CD96: variants seen among roughly 807,000 people sequenced by gnomAD.
CD96 encodes the protein T-cell surface protein tactile.
A neutral mutation model predicts 71.3 loss-of-function variants in CD96; 70 were observed. The observed-to-expected ratio is 0.98, with a 90% confidence interval of 0.81 to 1.20. CD96 has a LOEUF of 1.20. Ranked by LOEUF, CD96 falls within the 50% of genes most tolerant of loss-of-function variation. The pLI, the probability that CD96 is intolerant of heterozygous loss-of-function variation, is 0.00. For synonymous variants in CD96, 248 were observed against 233.0 expected, an observed-to-expected ratio of 1.06 and a Z score of -0.59; for missense variants, 742 against 677.5, an observed-to-expected ratio of 1.10 and a Z score of -1.06.
At position 111,650,098 on chromosome 3, in the gene CD96, T is replaced by C; in HGVS notation, c.*292T>C. On this transcript the variant is annotated 3_prime_UTR_variant, in exon 14 of 14. Transcript: ENST00000352690. ...CTGCCATCTTTAAAAAAAAATACAG[T>C]ATTTTCATTTAAATTCTCTGATGGA... 5.2e-6 allele frequency: 2 copies of C among 388,216 alleles called. No individual in the cohort carries two copies. The allele number at this position is 388,216 out of a possible 1,614,324, so 24.0% of individuals were successfully genotyped here.
intron 8 of CD96, among the ~76,000 whole-genome samples, chr3:111,617,293 T>C (rs1938290326): frequency 6.6e-6 from 1 of 152,204 alleles, no homozygotes; most frequent in Non-Finnish European, 1.5e-5. Context: ...AGGCATGGCC[T>C]GAAGCCTGGG....
At chr3:111,567,018 A>T (rs1023905431) in intron 2 of CD96, among the ~76,000 whole-genome samples, 1 of 152,162 alleles carries the variant, frequency 6.6e-6, no homozygotes, top group African/African-American at 2.4e-5. Context: ...CGTTAATTGT[A>T]ACAAATGTAC....
intron 2 of CD96, among the ~76,000 whole-genome samples, chr3:111,562,393 T>C (rs964564821): frequency 1.3e-5 from 2 of 152,130 alleles, no homozygotes; most frequent in African/African-American, 4.8e-5. Context: ...ATATATATAT[T>C]TATAGACAGA....
At chr3:111,566,646 G>T (rs76333478) in intron 2 of CD96, among the ~76,000 whole-genome samples, 10 of 152,206 alleles carry the variant, frequency 6.6e-5, no homozygotes, top group African/African-American at 1.9e-4. Context: ...TGATGCTATA[G>T]TTTAGTCACA....
chr3:111,587,203 G>A (rs1434462079), intron 5 of CD96, among the ~76,000 whole-genome samples: 1 of 152,210 alleles, frequency 6.6e-6, no homozygotes. Flanking sequence ...GCAAGAGGTG[G>A]GTTCCCATAG....
chr3:111,660,305 C>G (rs993609405), intron 14 of CD96, among the ~76,000 whole-genome samples: 6 of 152,082 alleles, frequency 3.9e-5, no homozygotes, highest in African/African-American at 1.4e-4. Flanking sequence ...ATACTGCTAA[C>G]CAAGGAAGTG....
chr3:111,572,410 C>T (rs1028324961), intron 3 of CD96, among the ~76,000 whole-genome samples: 4 of 152,194 alleles, frequency 2.6e-5, no homozygotes, highest in Non-Finnish European at 4.4e-5. Flanking sequence ...ACTGGCAACA[C>T]TTATATTAGG....
At chr3:111,593,522 A>C (rs1218192108) in intron 5 of CD96, 2 of 1,509,534 alleles carry the variant, frequency 1.3e-6, no homozygotes, top group East Asian at 4.6e-5. Context: ...CAATGTTTTC[A>C]GAATAGATTC....
chr3:111,597,176 G>C (rs1937297530), intron 5 of CD96, among the ~76,000 whole-genome samples: 2 of 152,066 alleles, frequency 1.3e-5, no homozygotes, highest in Admixed American at 1.3e-4. Context: ...ACTAGGGCTG[G>C]TCATATGTAA....
rs150077955 is a variant in CD96 at position 111,545,131 on chromosome 3, A to C, written c.147A>C (p.Thr49=). The C allele has an allele frequency of 3.7e-6, 6 of 1,614,096 alleles. No homozygotes were observed. In the African/African-American group the frequency reaches 8.0e-5, roughly 22 times the overall value. ...TCAACCTGACCTGCCAAACACAGACAGTAGGCTTCTTCGTGCAGATGCAAT... is the reference window on the plus strand; with the variant it reads ...TCAACCTGACCTGCCAAACACAGACCGTAGGCTTCTTCGTGCAGATGCAAT... ...SDVNLTCQTQ[T]VGFFVQMQWS... Residue 49 remains threonine (T), a synonymous_variant, in exon 2 of 14, where the codon ACA becomes ACC. Transcript: ENST00000352690.
At chr3:111,591,161 T>C (rs989584408) in intron 5 of CD96, among the ~76,000 whole-genome samples, 2 of 151,706 alleles carry the variant, frequency 1.3e-5, no homozygotes, top group East Asian at 3.9e-4. Context: ...GATCATGAGG[T>C]CAAGAGATCC....
chr3:111,565,861 C>G (rs532052660), intron 2 of CD96, among the ~76,000 whole-genome samples: 1 of 151,242 alleles, frequency 6.6e-6, no homozygotes, highest in Non-Finnish European at 1.5e-5. Context: ...ATGGGAAGAT[C>G]TGGTTTTAAT....
At chr3:111,634,581 C>T (rs1939233768) in intron 10 of CD96, 1 of 152,100 alleles carries the variant, frequency 6.6e-6, no homozygotes, top group South Asian at 2.1e-4. Context: ...CCTTGAAGTA[C>T]ACAGAACATT....
chr3:111,612,370 A>G (rs182346040), intron 8 of CD96, among the ~76,000 whole-genome samples: 3 of 152,358 alleles, frequency 2.0e-5, no homozygotes, highest in East Asian at 3.9e-4. Context: ...TCAGAGAACA[A>G]TCATACAAGG....
At chr3:111,643,249 T>C (rs1250658796) in intron 12 of CD96, among the ~76,000 whole-genome samples, 1 of 151,808 alleles carries the variant, frequency 6.6e-6, no homozygotes, top group Non-Finnish European at 1.5e-5. Flanking sequence ...TCATCTCAAT[T>C]GATACAAAAA....
chr3:111,648,263 A>G (rs1239751340), intron 13 of CD96, among the ~76,000 whole-genome samples: 1 of 152,172 alleles, frequency 6.6e-6, no homozygotes, highest in African/African-American at 2.4e-5. Context: ...CTGACTTGCT[A>G]TTTTGAGTCA....
rs549089387 is a variant in CD96, at chr3:111,553,652, T to C, written c.418+8250T>C. Among the ~76,000 whole-genome samples the C allele has an allele frequency of 8.7e-4, 133 of 152,050 alleles. No homozygotes were observed. In the Middle Eastern group the frequency reaches 0.01, roughly 12 times the overall value. Reference sequence around the variant, plus strand: ...TTCCTCTCATCAACTTATTATTTATTTGATGTATAGTTTGTATAAGAAAAG... The same window carrying C: ...TTCCTCTCATCAACTTATTATTTATCTGATGTATAGTTTGTATAAGAAAAG... On this transcript the variant is annotated intron_variant, in intron 2 of 13. Coordinates refer to ENST00000352690, the MANE Select transcript of CD96 (RefSeq NM_005816.5).
At chr3:111,577,651 G>C (rs917422236) in intron 3 of CD96, 4 of 833,056 alleles carry the variant, frequency 4.8e-6, no homozygotes, top group Non-Finnish European at 4.3e-6. Flanking sequence ...ATCCTAGCCA[G>C]ATTCAGCTAA....
intron 12 of CD96, among the ~76,000 whole-genome samples, chr3:111,642,319 A>G (rs1478593019): frequency 6.6e-6 from 1 of 152,224 alleles, no homozygotes; most frequent in Non-Finnish European, 1.5e-5. Context: ...AGATATTACA[A>G]CTGACACCAC....
Sources: allele counts gnomAD v4.1 joint callset (sites outside exome capture counted in the v4.1 genomes callset), GRCh38; gene constraint gnomAD v4.1.1; transcripts MANE v1.5; gene names NCBI Gene and HGNC (gene_info 2026-07-23, HGNC 2026-07-21).